The following SORCS1 variants were observed in gnomAD, a reference collection of about 807,000 sequenced individuals.
SORCS1 encodes VPS10 domain-containing receptor SorCS1.
A neutral mutation model predicts 146.1 loss-of-function variants in SORCS1; 60 were observed. The observed-to-expected ratio is 0.41, with a 90% CI of 0.33 to 0.51. The LOEUF (loss-of-function observed/expected upper bound fraction) is 0.51. SORCS1 is among the 20% of genes least tolerant of loss of function. The probability of loss-of-function intolerance (pLI) is 0.21; values close to 1 mark genes in which losing one functional copy is unlikely to be tolerated. For missense variants in SORCS1, 1,352 were observed against 1,487.6 expected (o/e 0.91, Z 1.50); for synonymous variants, 637 against 584.0 (o/e 1.09, Z -1.31).
intron 2 of SORCS1, among the ~76,000 whole-genome samples, chr10:106,950,721 G>A (rs1954635621): frequency 6.6e-6 from 1 of 152,110 alleles, no homozygotes; most frequent in Non-Finnish European, 1.5e-5. Flanking sequence ...AGAAGGCAGA[G>A]CTCTGGAAGA....
At chr10:106,893,229 C>T (rs1951307434) in intron 2 of SORCS1, among the ~76,000 whole-genome samples, 1 of 152,086 alleles carries the variant, frequency 6.6e-6, no homozygotes, top group Non-Finnish European at 1.5e-5. Flanking sequence ...ATTGCCATTC[C>T]CCTATCATCA....
chr10:106,861,329 G>A (rs1485323671), intron 2 of SORCS1, among the ~76,000 whole-genome samples: 4 of 151,124 alleles, frequency 2.6e-5, no homozygotes, highest in African/African-American at 9.8e-5. Flanking sequence ...GAACCCAGGA[G>A]GCAGAAGTTT....
chr10:106,598,348 A>C (rs2133323163), intron 23 of SORCS1, among the ~76,000 whole-genome samples: 1 of 151,232 alleles, frequency 6.6e-6, no homozygotes, highest in South Asian at 2.1e-4. Flanking sequence ...CGCAACCTCC[A>C]CCTCCTGGGT....
chr10:106,849,806 A>G (rs979715742), intron 2 of SORCS1, among the ~76,000 whole-genome samples: 2 of 151,514 alleles, frequency 1.3e-5, no homozygotes, highest in Non-Finnish European at 2.9e-5. Context: ...CTTCTAACAG[A>G]CAGGACCCTC....
chr10:107,113,511 G>A (rs936837595), intron 1 of SORCS1, among the ~76,000 whole-genome samples: 69 of 151,866 alleles, frequency 4.5e-4, no homozygotes, highest in African/African-American at 1.7e-3. Context: ...CCAACATGGT[G>A]AAATCCTGTC....
intron 2 of SORCS1, among the ~76,000 whole-genome samples, chr10:106,879,216 G>A (rs1950723095): frequency 6.6e-6 from 1 of 151,368 alleles, no homozygotes. Context: ...GTTTAAGAAA[G>A]TCACATAACT....
chr10:106,844,795 T>C (rs1271695424), intron 2 of SORCS1, among the ~76,000 whole-genome samples: 1 of 136,918 alleles, frequency 7.3e-6, no homozygotes. Context: ...TGTGATCTCA[T>C]TGTTCAATTC....
chr10:107,177,973 G>A, the SORCS1 span, among the ~76,000 whole-genome samples: 1 of 152,094 alleles, frequency 6.6e-6, no homozygotes, highest in Non-Finnish European at 1.5e-5. Context: ...ACACATGGAG[G>A]GGGAACAACA....
intron 19 of SORCS1, among the ~76,000 whole-genome samples, chr10:106,628,063 A>G (rs1369405890): frequency 6.6e-6 from 1 of 152,214 alleles, no homozygotes; most frequent in East Asian, 1.9e-4. Context: ...ACTGTAAACT[A>G]TAGCCAAAAA....
intron 1 of SORCS1, among the ~76,000 whole-genome samples, chr10:106,963,057 T>C (rs897523063): frequency 2.7e-5 from 4 of 150,526 alleles, no homozygotes; most frequent in African/African-American, 9.7e-5. Context: ...GAATAATCTT[T>C]CATGAGAATC....
At chr10:106,821,620 C>CA (rs1948028158) in intron 3 of SORCS1, among the ~76,000 whole-genome samples, 1 of 152,126 alleles carries the variant, frequency 6.6e-6, no homozygotes, top group Non-Finnish European at 1.5e-5. Flanking sequence ...TTCTTTCTAT[C>CA]AAAAAAATAC....
intron 2 of SORCS1, among the ~76,000 whole-genome samples, chr10:106,874,564 T>C (rs573988416): frequency 6.6e-6 from 1 of 152,362 alleles, no homozygotes; most frequent in Admixed American, 6.5e-5. Context: ...TTTTCTTGTT[T>C]ACATATGTAC....
At chr10:106,964,696 C>A (rs949391355) in intron 1 of SORCS1, among the ~76,000 whole-genome samples, 5 of 151,988 alleles carry the variant, frequency 3.3e-5, no homozygotes, top group South Asian at 2.1e-4. Context: ...CTGTGTTAGT[C>A]AGGATAGTTT....
intron 1 of SORCS1, among the ~76,000 whole-genome samples, chr10:107,042,092 T>G (rs778614710): frequency 2.2e-4 from 33 of 152,226 alleles, no homozygotes; most frequent in Non-Finnish European, 3.2e-4. Context: ...CAGCAAACTC[T>G]TAAGCACATC....
chr10:107,130,292 A>G (rs1423148563), intron 1 of SORCS1, among the ~76,000 whole-genome samples: 1 of 152,256 alleles, frequency 6.6e-6, no homozygotes, highest in African/African-American at 2.4e-5. Context: ...TTTTATTTAC[A>G]GAAGGAACAA....
chr10:107,094,051 G>A (rs987158201), intron 1 of SORCS1, among the ~76,000 whole-genome samples: 2 of 152,048 alleles, frequency 1.3e-5, no homozygotes, highest in Non-Finnish European at 2.9e-5. Context: ...ACTTCTCCCA[G>A]ACTTTCTAAC....
intron 1 of SORCS1, among the ~76,000 whole-genome samples, chr10:106,985,202 A>C (rs2139396232): frequency 1.3e-5 from 2 of 152,258 alleles, no homozygotes; most frequent in East Asian, 3.9e-4. Flanking sequence ...TGAATACATA[A>C]ATAAATAAAA....
rs541651541 is a variant in SORCS1, at chr10:106,928,991, A to T, written c.626+27522T>A. Among the ~76,000 whole-genome samples the T allele has an allele frequency of 1.7e-3, 255 of 151,852 alleles. 2 individuals carry two copies. The highest frequency in any genetic ancestry group is 6.0e-3 in the African/African-American group (249 of 41,512). On this transcript the variant is annotated intron_variant, in intron 2 of 25. Transcript: ENST00000263054. Reference sequence around the variant, plus strand: ...TAGGAAAAATAGAACAAATCTTTTTAAAATTGCAGTTACATGCAATTAAAG... The same window carrying T: ...TAGGAAAAATAGAACAAATCTTTTTTAAATTGCAGTTACATGCAATTAAAG...
At position 106,730,450 on chromosome 10, in the gene SORCS1, T is replaced by C. The variant is rs148382261; in HGVS notation, c.960-336A>G. ...AGTGTATTAAACTTTCAAAACTTAT[T>C]AGGCAGGCATGCTGCTTCAGCTGGG... On this transcript the variant is annotated intron_variant, in intron 5 of 25. Transcript: ENST00000263054. Among the ~76,000 whole-genome samples, 326 of 152,326 alleles carry C rather than the reference T, an allele frequency of 2.1e-3. 2 individuals carry two copies. Among genetic ancestry groups the C allele is most frequent in the Middle Eastern group, 0.01 (3 of 294 alleles).
Sources: gnomAD v4.1 joint callset for allele counts (sites outside exome capture counted in the v4.1 genomes callset) on GRCh38, gnomAD v4.1.1 for gene constraint, MANE v1.5 for transcripts, NCBI Gene and HGNC (gene_info 2026-07-23, HGNC 2026-07-21) for gene names.